The following FAM107B variants were observed in gnomAD, a reference collection of about 807,000 sequenced individuals.
FAM107B encodes the protein protein FAM107B.
In FAM107B, 21 loss-of-function variants were observed where a neutral mutation model predicts 31.5. That is an observed-to-expected ratio of 0.67 (90% CI 0.47 to 0.96). FAM107B has a LOEUF of 0.96. Ranked by LOEUF, FAM107B falls within the 40% of genes least tolerant of loss-of-function variation. FAM107B has a pLI of 0.00. For synonymous variants in FAM107B, 157 were observed against 141.5 expected, an observed-to-expected ratio of 1.11 and a Z score of -0.78; for missense variants, 452 against 377.1, an observed-to-expected ratio of 1.20 and a Z score of -1.64.
intron 3 of FAM107B, among the ~76,000 whole-genome samples, chr10:14,528,237 A>C (rs1238291079): frequency 7.7e-6 from 1 of 129,870 alleles, no homozygotes; most frequent in East Asian, 2.2e-4. Context: ...GCTGGAATGC[A>C]CTGGCACAAT....
chr10:14,548,838 A>ACACG (rs1848975391), intron 2 of FAM107B, among the ~76,000 whole-genome samples: 3 of 151,298 alleles, frequency 2.0e-5, no homozygotes, highest in Non-Finnish European at 4.4e-5. Flanking sequence ...ACACACACGC[A>ACACG]CACACACACC....
intron 2 of FAM107B, chr10:14,604,290 C>A: frequency 2.0e-6 from 2 of 979,208 alleles, no homozygotes; most frequent in Non-Finnish European, 2.4e-6. Context: ...GCTCCCGGCG[C>A]CCGCGGCGGC....
intron 2 of FAM107B, among the ~76,000 whole-genome samples, chr10:14,559,099 C>CAAAAAAAAA (rs745765049): frequency 1.1e-5 from 1 of 88,200 alleles, no homozygotes; most frequent in Non-Finnish European, 2.2e-5. Context: ...TGTGGAACTT[C>CAAAAAAAAA]AAAAAAAAAA....
chr10:14,533,826 TTAG>T (rs1460621052), intron 2 of FAM107B, among the ~76,000 whole-genome samples: 9 of 152,128 alleles, frequency 5.9e-5, no homozygotes, highest in Non-Finnish European at 1.3e-4. Flanking sequence ...CTCTTTAGAT[TTAG>T]TTGCTTGGAA....
At chr10:14,538,767 A>G (rs563039924) in intron 2 of FAM107B, among the ~76,000 whole-genome samples, 4 of 152,386 alleles carry the variant, frequency 2.6e-5, no homozygotes, top group African/African-American at 9.6e-5. Context: ...TTGCTGCTGC[A>G]TAATGACAAT....
At chr10:14,767,055 T>TATATATATATATATATATATATAG (rs1440609298) in intron 1 of FAM107B, among the ~76,000 whole-genome samples, 2 of 18,282 alleles carry the variant, frequency 1.1e-4, no homozygotes, top group African/African-American at 3.1e-4. Flanking sequence ...TATATATATA[T>TATATATATATATATATATATATAG]AGAGAGAGAG....
At chr10:14,720,739 C>G (rs28446141) in intron 1 of FAM107B, among the ~76,000 whole-genome samples, 2 of 152,238 alleles carry the variant, frequency 1.3e-5, no homozygotes, top group South Asian at 2.1e-4. Context: ...TTTGAAGAAC[C>G]AAAGTAATCC....
At chr10:14,764,273 T>C (rs909290399) in intron 1 of FAM107B, among the ~76,000 whole-genome samples, 4 of 152,244 alleles carry the variant, frequency 2.6e-5, no homozygotes, top group African/African-American at 9.6e-5. Context: ...TACCCTTTTT[T>C]GTTGAGATTT....
chr10:14,761,790 G>T (rs763191956), intron 1 of FAM107B, among the ~76,000 whole-genome samples: 12 of 151,932 alleles, frequency 7.9e-5, no homozygotes, highest in Non-Finnish European at 1.2e-4. Context: ...TAGAGGGGGG[G>T]GTTTCACCAT....
intron 2 of FAM107B, among the ~76,000 whole-genome samples, chr10:14,643,608 C>T (rs1241652282): frequency 2.0e-5 from 3 of 152,086 alleles, no homozygotes; most frequent in African/African-American, 7.2e-5. Context: ...CAGGGTTTTA[C>T]CCTGTTGGCC....
chr10:14,519,688 C>T lies in FAM107B; in HGVS notation c.*1502G>A, dbSNP rs183123640. On this transcript the variant is annotated 3_prime_UTR_variant, in exon 5 of 5. Coordinates refer to ENST00000181796, the MANE Select transcript of FAM107B (RefSeq NM_031453.4). ...TAATTGTCAACTGCTAACACTAAAG[C>T]ATTCCCATAGAAAGCTAATTTCTAC... The T allele has an allele frequency of 1.1e-4, 17 of 152,270 alleles. No individual in the cohort carries two copies. Among genetic ancestry groups the T allele is most frequent in the Non-Finnish European group, 2.4e-4 (16 of 68,020 alleles). The allele number at this position is 152,270 out of a possible 1,614,324, so 9.4% of individuals were successfully genotyped here. A position where few individuals can be genotyped will look rare whatever the true frequency, so the allele number is the denominator to read the frequency against.
chr10:14,526,751 G>C lies in FAM107B; in HGVS notation c.653+3581C>G, dbSNP rs150627623. Among the ~76,000 whole-genome samples the C allele has an allele frequency of 2.0e-5, 3 of 152,208 alleles. No individual in the cohort carries two copies. In the East Asian group the frequency reaches 5.8e-4, roughly 29 times the overall value. On this transcript the variant is annotated intron_variant, in intron 3 of 4. Coordinates refer to ENST00000181796, the MANE Select transcript of FAM107B (RefSeq NM_031453.4). ...TACAAGCCAAAGAACCAATTTTAGGGATATGTTTAAGTAACTGACCTATTT... is the reference window on the plus strand; with the variant it reads ...TACAAGCCAAAGAACCAATTTTAGGCATATGTTTAAGTAACTGACCTATTT...
At chr10:14,544,110 G>C (rs115510570) in intron 2 of FAM107B, among the ~76,000 whole-genome samples, 1 of 152,164 alleles carries the variant, frequency 6.6e-6, no homozygotes, top group Non-Finnish European at 1.5e-5. Flanking sequence ...GGGTTAGAGA[G>C]GCCCACACGG....
At chr10:14,600,333 A>G (rs1444419535) in intron 2 of FAM107B, among the ~76,000 whole-genome samples, 2 of 152,204 alleles carry the variant, frequency 1.3e-5, no homozygotes, top group African/African-American at 2.4e-5. Flanking sequence ...ATCCCAAGCG[A>G]CAAAGTGTCC....
intron 1 of FAM107B, among the ~76,000 whole-genome samples, chr10:14,720,885 T>C (rs1855894683): frequency 1.3e-5 from 2 of 152,198 alleles, no homozygotes; most frequent in Admixed American, 1.3e-4. Context: ...AGGGTACAAG[T>C]GCACAATGTG....
At position 14,672,431 on chromosome 10, in the gene FAM107B, G is replaced by A. The variant is rs568731801; in HGVS notation, c.412-4740C>T. On this transcript the variant is annotated intron_variant, in intron 1 of 4. Transcript: ENST00000181796. ...TGCTTATTAAATCAAATGTGACCAC[G>A]ATGATGTACCAAGAATGTACTATTA... 3.9e-5 allele frequency among the ~76,000 whole-genome samples: 6 copies of A among 152,280 alleles called. No homozygotes were observed. In the East Asian group the frequency reaches 9.6e-4, roughly 24 times the overall value.
chr10:14,670,818 A>G (rs1310613312), intron 1 of FAM107B, among the ~76,000 whole-genome samples: 1 of 152,240 alleles, frequency 6.6e-6, no homozygotes, highest in South Asian at 2.1e-4. Context: ...GCACAGAATA[A>G]ACAAGCATCT....
chr10:14,705,810 A>G (rs1325970220), intron 1 of FAM107B, among the ~76,000 whole-genome samples: 3 of 152,112 alleles, frequency 2.0e-5, no homozygotes, highest in Non-Finnish European at 4.4e-5. Flanking sequence ...CTGCACAACA[A>G]TGTAAACGTA....
At chr10:14,752,614 C>T (rs1355872376) in intron 1 of FAM107B, among the ~76,000 whole-genome samples, 2 of 152,046 alleles carry the variant, frequency 1.3e-5, no homozygotes, top group Non-Finnish European at 2.9e-5. Context: ...AATCTGTTGG[C>T]GACTATAAGA....
Sources: allele counts gnomAD v4.1 joint callset (sites outside exome capture counted in the v4.1 genomes callset), GRCh38; gene constraint gnomAD v4.1.1; transcripts MANE v1.5; gene names NCBI Gene and HGNC (gene_info 2026-07-23, HGNC 2026-07-21).